Variants in PRKG2 observed in about 807,000 individuals in gnomAD.
PRKG2 encodes the protein protein kinase cGMP-dependent 2, also known as cGMP-dependent protein kinase 2.
Under a neutral mutation model 97.2 loss-of-function variants are expected in PRKG2, and 33 were observed. The observed-to-expected ratio is 0.34, with a 90% confidence interval of 0.26 to 0.45. The LOEUF (loss-of-function observed/expected upper bound fraction) is 0.45. PRKG2 is among the 20% of genes least tolerant of loss of function. The pLI is 1.00. For missense variants in PRKG2, 638 were observed against 900.0 expected (o/e 0.71, Z 3.73); for synonymous variants, 330 against 321.8 (o/e 1.03, Z -0.27).
chr4:81,095,952 C>A (rs1294255151), intron 17 of PRKG2, among the ~76,000 whole-genome samples: 1 of 152,084 alleles, frequency 6.6e-6, no homozygotes, highest in Admixed American at 6.6e-5. Context: ...CGCATTATGT[C>A]TAAAAATGTA....
At chr4:81,183,837 A>G (rs1312102988) in intron 2 of PRKG2, among the ~76,000 whole-genome samples, 1 of 152,164 alleles carries the variant, frequency 6.6e-6, no homozygotes, top group Non-Finnish European at 1.5e-5. Flanking sequence ...TTAAGGCTTC[A>G]GTAGGCGGTT....
At chr4:81,133,958 A>G (rs1284600871) in intron 14 of PRKG2, among the ~76,000 whole-genome samples, 1 of 152,166 alleles carries the variant, frequency 6.6e-6, no homozygotes, top group Non-Finnish European at 1.5e-5. Context: ...AATATTCCAA[A>G]GAGTTTCTGT....
At position 81,167,338 on chromosome 4, in the gene PRKG2, T is replaced by C. The variant is rs1750074189; in HGVS notation, c.849-114A>G. On this transcript the variant is annotated intron_variant, in intron 5 of 18. Coordinates refer to ENST00000264399, the MANE Select transcript of PRKG2 (RefSeq NM_006259.3). ...TTTAAAAAATATAATGCACTTTGAT[T>C]CTTCCAAAGTAAATGTCCAAATAAC... 6.7e-6 allele frequency: 4 copies of C among 596,990 alleles called. No individual in the cohort carries two copies. The East Asian group carries it at 1.3e-4, about 19-fold the overall frequency. 37.0% of individuals were successfully genotyped at this position (596,990 alleles called of 1,614,324 possible).
chr4:81,098,842 T>C (rs1438466750), intron 17 of PRKG2, among the ~76,000 whole-genome samples: 1 of 152,172 alleles, frequency 6.6e-6, no homozygotes, highest in African/African-American at 2.4e-5. Context: ...TGTAAAATAT[T>C]GTAAGAATTA....
chr4:81,116,845 GC>G (rs1484871997), intron 14 of PRKG2, among the ~76,000 whole-genome samples: 1 of 151,680 alleles, frequency 6.6e-6, no homozygotes, highest in African/African-American at 2.4e-5. Flanking sequence ...CATGTCCCTT[GC>G]CAATTTTTAA....
intron 10 of PRKG2, 113 bp from the exon 11 acceptor site, chr4:81,143,060 T>C (rs760108196): frequency 8.8e-5 from 118 of 1,339,482 alleles, no homozygotes; most frequent in Non-Finnish European, 1.1e-4. Flanking sequence ...CTATGATTTA[T>C]AGTTGCCACA....
Position 81,150,065 on chromosome 4 carries a change from C to A in PRKG2, c.1086-1113G>T, listed in dbSNP as rs1578424454. On this transcript the variant is annotated intron_variant, in intron 8 of 18. Coordinates refer to ENST00000264399, the MANE Select transcript of PRKG2 (RefSeq NM_006259.3). ...TGAGACAGCAGCAGGAAAATTTGTG[C>A]TTGTATATGTAGAGGTAGAGATAGA... Among the ~76,000 whole-genome samples the A allele has an allele frequency of 3.3e-5, 5 of 152,020 alleles. No individual in the cohort carries two copies. The South Asian group carries it at 1.0e-3, about 32-fold the overall frequency.
intron 11 of PRKG2, among the ~76,000 whole-genome samples, chr4:81,141,152 A>C (rs968294630): frequency 1.3e-5 from 2 of 152,034 alleles, no homozygotes; most frequent in African/African-American, 4.8e-5. Context: ...CTGGGACTAC[A>C]GGTATAAACC....
intron 6 of PRKG2, among the ~76,000 whole-genome samples, chr4:81,158,768 G>A (rs1749340850): frequency 6.6e-6 from 1 of 152,124 alleles, no homozygotes; most frequent in Non-Finnish European, 1.5e-5. Context: ...CAATGGAACA[G>A]AATAGAGCCC....
intron 4 of PRKG2, among the ~76,000 whole-genome samples, chr4:81,170,569 A>C (rs1263003412): frequency 6.6e-6 from 1 of 152,132 alleles, no homozygotes; most frequent in Non-Finnish European, 1.5e-5. Context: ...ACTCTGATTC[A>C]GGTTGGGAGT....
At chr4:81,196,304 G>A (rs2110119516) in intron 2 of PRKG2, among the ~76,000 whole-genome samples, 1 of 152,300 alleles carries the variant, frequency 6.6e-6, no homozygotes, top group East Asian at 1.9e-4. Context: ...TGTGGCTGAC[G>A]TCAGAGAAGA....
chr4:81,199,978 T>C (rs1290317628), intron 2 of PRKG2, among the ~76,000 whole-genome samples: 1 of 152,214 alleles, frequency 6.6e-6, no homozygotes, highest in African/African-American at 2.4e-5. Flanking sequence ...TAGTTTCAAA[T>C]GATAGTTTAA....
chr4:81,210,934 G>T (rs788865), intron 1 of PRKG2, among the ~76,000 whole-genome samples: 6,318 of 152,176 alleles, frequency 0.042, 488 homozygotes, highest in African/African-American at 0.15. Flanking sequence ...CTGGGTGAAA[G>T]AAGCCAATCT....
At chr4:81,157,890 T>A (rs1749248287) in intron 6 of PRKG2, among the ~76,000 whole-genome samples, 1 of 146,742 alleles carries the variant, frequency 6.8e-6, no homozygotes, top group South Asian at 2.1e-4. Context: ...CGCTTCACGC[T>A]AAAAACTCTC....
Position 81,168,420 on chromosome 4 carries a change from G to A in PRKG2, c.849-1196C>T, listed in dbSNP as rs534260378. Among the ~76,000 whole-genome samples the A allele has an allele frequency of 2.0e-5, 3 of 152,228 alleles. No individual in the cohort carries two copies. The East Asian group carries it at 5.8e-4, about 29-fold the overall frequency. ...GAATATTCACTAGTAGATTATCCGA[G>A]CTTTTTCCACTAAGAACATACTAGA... On this transcript the variant is annotated intron_variant, in intron 5 of 18. Coordinates refer to ENST00000264399, the MANE Select transcript of PRKG2 (RefSeq NM_006259.3).
At chr4:81,129,509 G>A (rs1237825561) in intron 14 of PRKG2, among the ~76,000 whole-genome samples, 1 of 152,134 alleles carries the variant, frequency 6.6e-6, no homozygotes. Context: ...TTATGAATCT[G>A]GGTTCTCCTG....
chr4:81,175,722 C>T (rs1248259432), intron 2 of PRKG2: 1 of 152,138 alleles, frequency 6.6e-6, no homozygotes, highest in Non-Finnish European at 1.5e-5. Context: ...AATCCAAGTT[C>T]TACTTGCTGA....
Position 81,165,449 on chromosome 4 carries a change from A to G in PRKG2, c.912+1712T>C, listed in dbSNP as rs993317522. Among the ~76,000 whole-genome samples the G allele has an allele frequency of 2.6e-5, 4 of 152,158 alleles. No homozygotes were observed. In the East Asian group the frequency reaches 7.7e-4, roughly 29 times the overall value. On this transcript the variant is annotated intron_variant, in intron 6 of 18. Coordinates refer to ENST00000264399, the MANE Select transcript of PRKG2 (RefSeq NM_006259.3). ...GACAGCTGGTCCTAGAACTCTGGAC[A>G]CTGTCAAAAATGATGCAGTAGTGAT...
chr4:81,129,144 C>T (rs1745900977), intron 14 of PRKG2, among the ~76,000 whole-genome samples: 1 of 152,140 alleles, frequency 6.6e-6, no homozygotes, highest in South Asian at 2.1e-4. Flanking sequence ...TTTCTTAATC[C>T]TGAGTTCTAA....
Sources: gnomAD v4.1 joint callset for allele counts (sites outside exome capture counted in the v4.1 genomes callset) on GRCh38, gnomAD v4.1.1 for gene constraint, MANE v1.5 for transcripts, NCBI Gene and HGNC (gene_info 2026-07-23, HGNC 2026-07-21) for gene names.